The following CAPN13 variants were observed in gnomAD, a reference collection of about 807,000 sequenced individuals.
CAPN13 encodes the protein calpain 13, also known as calpain-13.
CAPN13 carries 90 observed loss-of-function variants against 98.4 expected under a neutral mutation model. The observed-to-expected ratio is 0.92, with a 90% CI of 0.77 to 1.09. The LOEUF (loss-of-function observed/expected upper bound fraction) is 1.09, where lower values mean the gene tolerates loss of function less well. Ranked by LOEUF, CAPN13 falls within the 50% of genes least tolerant of loss-of-function variation. The probability of loss-of-function intolerance (pLI) is 0.00; values close to 1 mark genes in which losing one functional copy is unlikely to be tolerated. For synonymous variants in CAPN13, 330 were observed against 305.5 expected, an observed-to-expected ratio of 1.08 and a Z score of -0.84; for missense variants, 887 against 841.3, an observed-to-expected ratio of 1.05 and a Z score of -0.67.
intron 22 of CAPN13, among the ~76,000 whole-genome samples, chr2:30,728,853 G>T (rs1033560778): frequency 7.2e-5 from 11 of 152,204 alleles, no homozygotes; most frequent in African/African-American, 2.7e-4. Flanking sequence ...TGATGTCAAA[G>T]AAATCTCAAC....
chr2:30,745,878 TG>T (rs1671882925), intron 11 of CAPN13, 144 bp from the exon 12 acceptor site: 1 of 618,186 alleles, frequency 1.6e-6, no homozygotes, highest in Admixed American at 3.3e-5. Context: ...ATTTTATATC[TG>T]TTATGCCATA....
chr2:30,732,048 GCC>G (rs1671125250), intron 20 of CAPN13, among the ~76,000 whole-genome samples: 1 of 152,194 alleles, frequency 6.6e-6, no homozygotes, highest in Non-Finnish European at 1.5e-5. Context: ...GATTTCTGAA[GCC>G]TGGGGAGGGA....
chr2:30,761,467 C>T (rs1172445445), intron 7 of CAPN13, among the ~76,000 whole-genome samples: 1 of 152,208 alleles, frequency 6.6e-6, no homozygotes, highest in African/African-American at 2.4e-5. Flanking sequence ...TGCAACCCAG[C>T]AGTCACTGCC....
At chr2:30,767,415 T>C (rs925738247) in intron 5 of CAPN13, among the ~76,000 whole-genome samples, 1 of 152,218 alleles carries the variant, frequency 6.6e-6, no homozygotes, top group Admixed American at 6.5e-5. Flanking sequence ...TCAAGCTGAA[T>C]GATTGCTTGA....
intron 17 of CAPN13, 72 bp downstream of exon 17, chr2:30,738,163 A>C (rs1359526628): frequency 6.5e-7 from 1 of 1,541,974 alleles, no homozygotes; most frequent in South Asian, 1.1e-5. Context: ...CTACTGTCCT[A>C]ATTAGGTCTC....
At chr2:30,728,384 T>G (rs1244864220) in intron 22 of CAPN13, among the ~76,000 whole-genome samples, 2 of 152,052 alleles carry the variant, frequency 1.3e-5, no homozygotes, top group Non-Finnish European at 2.9e-5. Flanking sequence ...GTGTTGAATG[T>G]TATGACTGGG....
In CAPN13 at chr2:30,741,719, G is replaced by A. The variant is rs1206913308; in HGVS notation, c.1536+189C>T. Reference sequence around the variant, plus strand: ...AAGTCCCCCGGATGACACTGGGTGGGGCGCCACGTCTCTACCGAGCTTGGC... The same window carrying A: ...AAGTCCCCCGGATGACACTGGGTGGAGCGCCACGTCTCTACCGAGCTTGGC... On this transcript the variant is annotated intron_variant, in intron 15 of 22. Coordinates refer to ENST00000295055, the MANE Select transcript of CAPN13 (RefSeq NM_144575.3). The A allele has an allele frequency of 9.7e-6, 14 of 1,439,620 alleles. No homozygotes were observed. In the South Asian group the frequency reaches 1.9e-4, roughly 20 times the overall value. The allele number at this position is 1,439,620 out of a possible 1,614,324, so 89.2% of individuals were successfully genotyped here.
intron 22 of CAPN13, among the ~76,000 whole-genome samples, chr2:30,729,378 T>C (rs1362825872): frequency 2.0e-5 from 3 of 152,082 alleles, no homozygotes; most frequent in Admixed American, 6.5e-5. Context: ...TGTTTAAAAA[T>C]AGGAAGGGTG....
chr2:30,759,425 G>A (rs1160910797), intron 7 of CAPN13, among the ~76,000 whole-genome samples: 1 of 152,198 alleles, frequency 6.6e-6, no homozygotes, highest in Non-Finnish European at 1.5e-5. Context: ...GCAGCCCTCA[G>A]CATGGCGAGA....
chr2:30,728,356 G>T (rs57382464), intron 22 of CAPN13, among the ~76,000 whole-genome samples: 2 of 152,010 alleles, frequency 1.3e-5, no homozygotes, highest in Non-Finnish European at 2.9e-5. Flanking sequence ...TTTAAAAGAA[G>T]ATGGGCTACA....
At chr2:30,733,533 T>C (rs1452128077) in intron 19 of CAPN13, among the ~76,000 whole-genome samples, 2 of 152,104 alleles carry the variant, frequency 1.3e-5, no homozygotes, top group African/African-American at 4.8e-5. Flanking sequence ...ACCAGGGGCA[T>C]GAGCATCCCC....
intron 11 of CAPN13, among the ~76,000 whole-genome samples, chr2:30,749,758 C>T (rs1034272613): frequency 2.0e-5 from 3 of 151,536 alleles, no homozygotes; most frequent in East Asian, 1.9e-4. Context: ...AGGATCCCAG[C>T]GTGTGCATGA....
chr2:30,729,759 T>G (rs1670994211), intron 22 of CAPN13: 1 of 152,200 alleles, frequency 6.6e-6, no homozygotes, highest in Non-Finnish European at 1.5e-5. Context: ...TCAAGGTACA[T>G]GAATGGGAGA....
chr2:30,726,008 T>C (rs968634323), intron 22 of CAPN13, among the ~76,000 whole-genome samples: 2 of 152,100 alleles, frequency 1.3e-5, no homozygotes, highest in African/African-American at 4.8e-5. Context: ...TACTAACAAA[T>C]GCTAGGATGA....
intron 8 of CAPN13, among the ~76,000 whole-genome samples, chr2:30,754,721 CCAAA>C (rs761942739): frequency 2.6e-5 from 4 of 152,096 alleles, no homozygotes; most frequent in Non-Finnish European, 4.4e-5. Context: ...ACCCCCACAT[CCAAA>C]CAATCATCAA....
chr2:30,752,157 G>C (rs1672203877), intron 10 of CAPN13, among the ~76,000 whole-genome samples: 1 of 152,148 alleles, frequency 6.6e-6, no homozygotes, highest in African/African-American at 2.4e-5. Flanking sequence ...AAGTTCTGTA[G>C]ATCACTAGAG....
chr2:30,751,831 T>C (rs1672189105), intron 10 of CAPN13, among the ~76,000 whole-genome samples: 1 of 152,160 alleles, frequency 6.6e-6, no homozygotes, highest in Non-Finnish European at 1.5e-5. Flanking sequence ...TGGGGAGGCG[T>C]AGAGGACCAT....
At chr2:30,742,299 G>A (rs145761554) in intron 14 of CAPN13, 27 bp downstream of exon 14, 42 of 1,593,896 alleles carry the variant, frequency 2.6e-5, no homozygotes, top group South Asian at 4.6e-5. Context: ...AATGAGGCTC[G>A]CCAGCCAAAC....
intron 17 of CAPN13, 119 bp downstream of exon 17, chr2:30,738,116 G>C: frequency 9.8e-7 from 1 of 1,020,780 alleles, no homozygotes; most frequent in Non-Finnish European, 1.5e-6. Context: ...CTCAAGGACA[G>C]GGAAGAAGAG....
Sources: allele counts gnomAD v4.1 joint callset (sites outside exome capture counted in the v4.1 genomes callset), GRCh38; gene constraint gnomAD v4.1.1; transcripts MANE v1.5; gene names NCBI Gene and HGNC (gene_info 2026-07-23, HGNC 2026-07-21).